LEPR: variants seen among roughly 807,000 people sequenced by gnomAD.
The protein encoded by LEPR is OB receptor.
LEPR carries 56 observed loss-of-function variants against 114.7 expected under a neutral mutation model. The ratio of observed to expected loss-of-function variants is 0.49; its 90% CI spans 0.39 to 0.61. The LOEUF (loss-of-function observed/expected upper bound fraction) is 0.61. Ranked by LOEUF, LEPR falls within the 20% of genes least tolerant of loss-of-function variation. LEPR has a pLI of 0.00. For synonymous variants in LEPR, 443 were observed against 461.4 expected, an observed-to-expected ratio of 0.96 and a Z score of 0.51; for missense variants, 1,202 against 1,352.9, an observed-to-expected ratio of 0.89 and a Z score of 1.75.
rs1340120468 is a variant in LEPR at position 65,640,803 on chromosome 1, C to T, written c.*3788C>T. ...TTTTTAGGAAGTCTTGCTCTGTTGC[C>T]CAGCTGGAGTGCAGTGATGTGATCT... On this transcript the variant is annotated 3_prime_UTR_variant, in exon 20 of 20. Coordinates refer to ENST00000349533, the MANE Select transcript of LEPR (RefSeq NM_002303.6). 1 of 147,890 alleles carries T rather than the reference C, an allele frequency of 6.8e-6. No individual in the cohort carries two copies. Among genetic ancestry groups the T allele is most frequent in the Non-Finnish European group, 1.5e-5 (1 of 67,728 alleles). The allele number at this position is 147,890 out of a possible 1,614,324, so 9.2% of individuals were successfully genotyped here.
At chr1:65,587,324 A>C (rs1655376261) in intron 5 of LEPR, among the ~76,000 whole-genome samples, 1 of 152,004 alleles carries the variant, frequency 6.6e-6, no homozygotes. Context: ...TATTTGAAAA[A>C]CACCTAAAAG....
Position 65,548,784 on chromosome 1 carries a change from A to C in LEPR, c.-20-16762A>C, listed in dbSNP as rs28852095. ...TCCAATTTTCCAGTCTGTGTCTTTT[A>C]ATTGGAGCATTTAGTCCATTTACAT... On this transcript the variant is annotated intron_variant, in intron 2 of 19. Coordinates refer to ENST00000349533, the MANE Select transcript of LEPR (RefSeq NM_002303.6). 1.4e-3 allele frequency among the ~76,000 whole-genome samples: 211 copies of C among 152,062 alleles called. 2 individuals are homozygous for C. Among genetic ancestry groups the C allele is most frequent in the African/African-American group, 3.8e-3 (158 of 41,516 alleles).
At chr1:65,602,818 A>G (rs1656531557) in intron 10 of LEPR, among the ~76,000 whole-genome samples, 1 of 152,144 alleles carries the variant, frequency 6.6e-6, no homozygotes. Flanking sequence ...ATGTAGCGTT[A>G]GGAAAAAAAT....
intron 2 of LEPR, 40 bp from the exon 3 acceptor site, chr1:65,565,506 G>C (rs2100783239): frequency 2.5e-6 from 4 of 1,602,694 alleles, no homozygotes; most frequent in Middle Eastern, 1.7e-4. Context: ...ATGTGTTTTT[G>C]TTTTTGTGTG....
intron 5 of LEPR, among the ~76,000 whole-genome samples, chr1:65,575,419 A>G (rs1041407600): frequency 1.3e-5 from 2 of 151,000 alleles, no homozygotes; most frequent in Non-Finnish European, 2.9e-5. Context: ...ACTTCCTTAT[A>G]ACTTCATGCT....
intron 2 of LEPR, 98 bp from the exon 3 acceptor site, chr1:65,565,446 CTT>C: frequency 8.7e-7 from 1 of 1,148,054 alleles, no homozygotes; most frequent in East Asian, 2.5e-5. Context: ...AATTTAGAGA[CTT>C]ATCTATAATC....
chr1:65,518,015 A>G (rs1272987662), intron 2 of LEPR, among the ~76,000 whole-genome samples: 2 of 152,116 alleles, frequency 1.3e-5, no homozygotes, highest in South Asian at 2.1e-4. Flanking sequence ...GTTTTCTCCA[A>G]TTTCATTTGG....
chr1:65,549,105 A>G (rs1652050082), intron 2 of LEPR, among the ~76,000 whole-genome samples: 2 of 151,680 alleles, frequency 1.3e-5, no homozygotes, highest in Admixed American at 6.6e-5. Flanking sequence ...TGGGTTGAAA[A>G]TTCTTTTCTT....
chr1:65,523,710 G>A (rs1619754), intron 2 of LEPR, among the ~76,000 whole-genome samples: 108,509 of 152,064 alleles, frequency 0.71, 39,845 homozygotes, highest in Middle Eastern at 0.87. Flanking sequence ...ACCACAGTAG[G>A]CAATGATTTT....
At chr1:65,514,816 C>T (rs1047910491) in intron 2 of LEPR, among the ~76,000 whole-genome samples, 2 of 152,048 alleles carry the variant, frequency 1.3e-5, no homozygotes, top group African/African-American at 4.8e-5. Flanking sequence ...TACTTGAGTC[C>T]AATATATATT....
At chr1:65,535,500 T>C (rs993614267) in intron 2 of LEPR, among the ~76,000 whole-genome samples, 4 of 151,828 alleles carry the variant, frequency 2.6e-5, no homozygotes, top group Non-Finnish European at 5.9e-5. Flanking sequence ...CACTGCATGC[T>C]ACCACACCTG....
chr1:65,434,756 AC>A, intron 2 of LEPR: 1 of 985,144 alleles, frequency 1.0e-6, no homozygotes, highest in Non-Finnish European at 1.2e-6. Context: ...AGTTTTGTTC[AC>A]CTCTCCCAAC....
chr1:65,531,610 G>A (rs765011262), intron 2 of LEPR, among the ~76,000 whole-genome samples: 6 of 151,920 alleles, frequency 3.9e-5, no homozygotes, highest in Admixed American at 6.6e-5. Context: ...TCCCTAGTGT[G>A]TGAAATAGGG....
intron 2 of LEPR, chr1:65,526,428 T>C: frequency 1.0e-6 from 1 of 985,214 alleles, no homozygotes; most frequent in Non-Finnish European, 1.2e-6. Flanking sequence ...GAGGAATCAT[T>C]TGGGAACCGC....
intron 2 of LEPR, among the ~76,000 whole-genome samples, chr1:65,515,748 C>T (rs931117160): frequency 3.3e-5 from 5 of 152,104 alleles, no homozygotes; most frequent in Admixed American, 6.5e-5. Context: ...AGTAGACTAT[C>T]GTATTGTATA....
At position 65,434,705 on chromosome 1, in the gene LEPR, T is replaced by G. The variant is rs1276113641; in HGVS notation, c.-21+9327T>G. On this transcript the variant is annotated intron_variant, in intron 2 of 19. Transcript: ENST00000349533. Reference sequence around the variant, plus strand: ...TCTCCTTTTAATTTTTCCACTCATTTTCACCTCCTAATGCCCTTGAGATCC... The same window carrying G: ...TCTCCTTTTAATTTTTCCACTCATTGTCACCTCCTAATGCCCTTGAGATCC... The G allele has an allele frequency of 1.0e-5, 10 of 985,330 alleles. No homozygotes were observed. In the Admixed American group the frequency reaches 5.5e-4, roughly 55 times the overall value. 61.0% of individuals were successfully genotyped at this position (985,330 alleles called of 1,614,324 possible).
At chr1:65,472,411 A>AACACACACACACAC (rs71721804) in intron 2 of LEPR, among the ~76,000 whole-genome samples, 6,324 of 133,158 alleles carry the variant, frequency 0.047, 222 homozygotes, top group Middle Eastern at 0.1. Flanking sequence ...CTGTGGCTAA[A>AACACACACACACAC]ACACACACAC....
Position 65,602,109 on chromosome 1 carries a change from A to G in LEPR, c.1403+149A>G, listed in dbSNP as rs1656481899. On this transcript the variant is annotated intron_variant, in intron 10 of 19. Coordinates refer to ENST00000349533, the MANE Select transcript of LEPR (RefSeq NM_002303.6). ...TGAATCAGGAAATTTTTGAGGGATTATATAAATTGGTGATTCTTGAAAAAT... is the reference window on the plus strand; with the variant it reads ...TGAATCAGGAAATTTTTGAGGGATTGTATAAATTGGTGATTCTTGAAAAAT... The G allele has an allele frequency of 1.1e-5, 8 of 749,084 alleles. No homozygotes were observed. The Admixed American group carries it at 1.6e-4, about 15-fold the overall frequency. The allele number at this position is 749,084 out of a possible 1,614,324, so 46.4% of individuals were successfully genotyped here.
At chr1:65,530,659 A>G (rs1247133155) in intron 2 of LEPR, among the ~76,000 whole-genome samples, 2 of 152,288 alleles carry the variant, frequency 1.3e-5, no homozygotes, top group Admixed American at 6.5e-5. Flanking sequence ...TCTCGTCATC[A>G]TCTTGATTTT....
Sources: allele counts gnomAD v4.1 joint callset (sites outside exome capture counted in the v4.1 genomes callset), GRCh38; gene constraint gnomAD v4.1.1; transcripts MANE v1.5; gene names NCBI Gene and HGNC (gene_info 2026-07-23, HGNC 2026-07-21).